The following TDG variants were observed in gnomAD, a reference collection of about 807,000 sequenced individuals.
TDG encodes the protein G/T mismatch-specific thymine DNA glycosylase.
A neutral mutation model predicts 46.1 loss-of-function variants in TDG; 23 were observed. That is an observed-to-expected ratio of 0.50 (90% CI 0.36 to 0.71). The LOEUF (loss-of-function observed/expected upper bound fraction) is 0.71. Among genes scored for constraint, TDG ranks in the 30% least tolerant of loss-of-function variants. TDG has a pLI of 0.00. For synonymous variants in TDG, 115 were observed against 161.3 expected, an observed-to-expected ratio of 0.71 and a Z score of 2.18; for missense variants, 304 against 486.7, an observed-to-expected ratio of 0.62 and a Z score of 3.53.
chr12:103,969,358 T>C (rs1194917561), intron 1 of TDG, among the ~76,000 whole-genome samples: 1 of 152,220 alleles, frequency 6.6e-6, no homozygotes, highest in Non-Finnish European at 1.5e-5. Context: ...GTGAGCAAGA[T>C]GGAGATGGAC....
intron 1 of TDG, among the ~76,000 whole-genome samples, chr12:103,971,275 C>A (rs559759323): frequency 6.6e-6 from 1 of 152,008 alleles, no homozygotes; most frequent in Non-Finnish European, 1.5e-5. Context: ...TATAAGAAAA[C>A]AATCTAGCCG....
intron 2 of TDG, among the ~76,000 whole-genome samples, chr12:103,978,596 CTG>C (rs1431673165): frequency 2.0e-5 from 3 of 152,152 alleles, no homozygotes; most frequent in Non-Finnish European, 4.4e-5. Context: ...GACTGACTGC[CTG>C]TATCCTGCGA....
chr12:103,966,888 T>C (rs191960881), intron 1 of TDG, among the ~76,000 whole-genome samples: 193 of 152,340 alleles, frequency 1.3e-3, no homozygotes, highest in African/African-American at 4.3e-3. Context: ...TATGGGCCTG[T>C]TCATGTCTGT....
intron 8 of TDG, 107 bp from the exon 9 acceptor site, chr12:103,985,494 CAG>C (rs2136244072): frequency 8.2e-7 from 1 of 1,223,884 alleles, no homozygotes; most frequent in Non-Finnish European, 1.1e-6. Flanking sequence ...AGATGTATCT[CAG>C]TGTATATGAA....
At position 103,983,180 on chromosome 12, in the gene TDG, A is replaced by G. The variant is rs1871947717; in HGVS notation, c.659A>G (p.Gln220Arg). The G allele has an allele frequency of 6.2e-7, 1 of 1,607,784 alleles. No individual in the cohort carries two copies. The highest frequency in any genetic ancestry group is 1.1e-5 in the South Asian group (1 of 88,718). The change falls in exon 6 of 10, where the codon CAG (glutamine) becomes CGG (arginine). Residue 220 changes from glutamine to arginine, a missense_variant. By Grantham distance (43) the Gln-to-Arg change is conservative. Coordinates refer to ENST00000392872, the MANE Select transcript of TDG (RefSeq NM_003211.6). ...EGGRILVQKL[Q>R]KYQPRIAVFN... ...GGACGTATTCTAGTACAGAAATTACAGAAATATCAGCCACGAATAGCAGTG... is the reference window on the plus strand; with the variant it reads ...GGACGTATTCTAGTACAGAAATTACGGAAATATCAGCCACGAATAGCAGTG...
At chr12:103,983,873 T>C (rs569762626) in intron 7 of TDG, among the ~76,000 whole-genome samples, 2 of 152,346 alleles carry the variant, frequency 1.3e-5, no homozygotes, top group Non-Finnish European at 2.9e-5. Context: ...ACTGTTGTCT[T>C]ATACACAAAG....
intron 1 of TDG, among the ~76,000 whole-genome samples, chr12:103,972,012 T>C (rs1357814330): frequency 6.6e-6 from 1 of 152,222 alleles, no homozygotes; most frequent in African/African-American, 2.4e-5. Flanking sequence ...GCAACGATCA[T>C]TATGCATACA....
Position 103,983,389 on chromosome 12 carries a change from T to C in TDG, c.792T>C (p.Thr264=). 6.4e-7 allele frequency: 1 copy of C among 1,560,426 alleles called. No homozygotes were observed. Among genetic ancestry groups the C allele is most frequent in the South Asian group, 1.2e-5 (1 of 82,498 alleles). The change falls in exon 7 of 10, where the codon ACT becomes ACC. Residue 264 remains threonine, a splice_region_variant and synonymous_variant. Coordinates refer to ENST00000392872, the MANE Select transcript of TDG (RefSeq NM_003211.6). ...CCCATAAGATTCCAGACACAGAAAC[T>C]GTAAGTCCCTAAAATTGAATTTGTA... is the stretch of plus-strand genomic sequence containing the variant. ...LQPHKIPDTE[T]LCYVMPSSSA... is the part of the protein sequence containing the mutation.
chr12:103,974,381 A>G (rs192250882), intron 1 of TDG, among the ~76,000 whole-genome samples: 4 of 152,056 alleles, frequency 2.6e-5, no homozygotes, highest in East Asian at 3.9e-4. Context: ...GACTCAGGCA[A>G]TCCTCCTGCC....
chr12:103,984,501 G>A (rs905695067), intron 7 of TDG, among the ~76,000 whole-genome samples: 8 of 152,202 alleles, frequency 5.3e-5, no homozygotes, highest in African/African-American at 1.9e-4. Context: ...GGCTGAGGCA[G>A]AAGAATCGCT....
At chr12:103,966,352 T>A (rs190660632) in intron 1 of TDG, among the ~76,000 whole-genome samples, 1 of 152,228 alleles carries the variant, frequency 6.6e-6, no homozygotes, top group Non-Finnish European at 1.5e-5. Flanking sequence ...CTTTGGTTAA[T>A]GTGTCTTTCT....
intron 2 of TDG, among the ~76,000 whole-genome samples, chr12:103,979,408 T>G (rs1176549890): frequency 6.6e-5 from 10 of 152,076 alleles, no homozygotes; most frequent in African/African-American, 2.4e-4. Flanking sequence ...CTGGCCCATT[T>G]GTGGTTTTCT....
chr12:103,984,733 A>C lies in TDG; in HGVS notation c.793-16A>C. On this transcript the variant is annotated splice_polypyrimidine_tract_variant and intron_variant, in intron 7 of 9. Transcript: ENST00000392872. ...AATTATAAGATTTCTGAAATTATAA[A>C]ATGTTGTGATTCTAGCTCTGCTATG... is the stretch of plus-strand genomic sequence containing the variant. The C allele has an allele frequency of 1.0e-6, 1 of 961,468 alleles. No individual in the cohort carries two copies. Among genetic ancestry groups the C allele is most frequent in the Non-Finnish European group, 1.3e-6 (1 of 755,142 alleles). 59.6% of individuals were successfully genotyped at this position (961,468 alleles called of 1,614,324 possible). A position where few individuals can be genotyped will look rare whatever the true frequency, so the allele number is the denominator to read the frequency against.
At chr12:103,981,089 CTG>C in intron 4 of TDG, 127 bp downstream of exon 4, 19 of 760,340 alleles carry the variant, frequency 2.5e-5, no homozygotes, top group South Asian at 3.6e-5. Flanking sequence ...GTTTCATGTT[CTG>C]TGTGTGTGTC....
chr12:103,976,918 C>T lies in TDG; in HGVS notation c.24C>T (p.Ser8=). MEAENAG[S]YSLQQAQAFY... The stretch of plus-strand genomic sequence containing the variant: ...ATCTCATGCTTCATTATTCTTTCAG[C>T]TATTCCCTTCAGCAAGCTCAAGCTT... Residue 8 remains serine (S), a splice_region_variant and synonymous_variant, in exon 2 of 10, where the codon AGC becomes AGT. Coordinates refer to ENST00000392872, the MANE Select transcript of TDG (RefSeq NM_003211.6). The T allele has an allele frequency of 6.2e-7, 1 of 1,613,502 alleles. No homozygotes were observed. The highest frequency in any genetic ancestry group is 8.5e-7 in the Non-Finnish European group (1 of 1,179,890).
At chr12:103,979,393 C>T (rs986014192) in intron 2 of TDG, among the ~76,000 whole-genome samples, 15 of 152,086 alleles carry the variant, frequency 9.9e-5, no homozygotes, top group Non-Finnish European at 4.4e-5. Flanking sequence ...CATGAGCCAC[C>T]ATACCTGGCC....
intron 1 of TDG, among the ~76,000 whole-genome samples, chr12:103,976,408 C>CACACACACA (rs1566179985): frequency 3.1e-4 from 46 of 147,542 alleles, no homozygotes; most frequent in African/African-American, 9.7e-4. Context: ...CCCTGTCTCC[C>CACACACACA]CACACACACA....
chr12:103,974,086 T>C (rs952287026), intron 1 of TDG, among the ~76,000 whole-genome samples: 1 of 152,200 alleles, frequency 6.6e-6, no homozygotes, highest in Non-Finnish European at 1.5e-5. Context: ...CTTCTGTTTA[T>C]CTTGAGCTGC....
chr12:103,983,805 G>C (rs922043724), intron 7 of TDG, among the ~76,000 whole-genome samples: 5 of 152,160 alleles, frequency 3.3e-5, no homozygotes, highest in African/African-American at 1.2e-4. Flanking sequence ...CTTCATTTTA[G>C]AGCCATATAA....
Sources: gnomAD v4.1 joint callset for allele counts (sites outside exome capture counted in the v4.1 genomes callset) on GRCh38, gnomAD v4.1.1 for gene constraint, MANE v1.5 for transcripts, NCBI Gene and HGNC (gene_info 2026-07-23, HGNC 2026-07-21) for gene names.